HERC2: variants seen among roughly 807,000 people sequenced by gnomAD.
The protein encoded by HERC2 is E3 ubiquitin-protein ligase HERC2.
A neutral mutation model predicts 537.7 loss-of-function variants in HERC2; 102 were observed. That is an observed-to-expected ratio of 0.19 (90% CI 0.16 to 0.22). The LOEUF (loss-of-function observed/expected upper bound fraction) is 0.22. HERC2 is among the 10% of genes least tolerant of loss of function. HERC2 has a pLI of 1.00. For missense variants in HERC2, 4,236 were observed against 6,198.2 expected (o/e 0.68, Z 10.63); for synonymous variants, 2,224 against 2,466.2 (o/e 0.90, Z 2.91).
intron 2 of HERC2, among the ~76,000 whole-genome samples, chr15:28,310,210 C>A (rs1024913866): frequency 2.0e-5 from 3 of 152,248 alleles, no homozygotes; most frequent in Admixed American, 2.0e-4. Context: ...ACTTGGGAGG[C>A]CAAGGCAGGT....
At position 28,198,701 on chromosome 15, in the gene HERC2, G is replaced by C. The variant is rs1436542935; in HGVS notation, c.7785C>G (p.Ile2595Met). ...CATGCAATCCATCTCTGTCCAGCTT[G>C]ATGACTTTGCCAACATCACCTTCGC... is the stretch of plus-strand genomic sequence containing the variant. ...EVCEGDVGKVIKLDRDGLHDL... is the reference protein window; with the variant it reads ...EVCEGDVGKVMKLDRDGLHDL... Residue 2595 changes from isoleucine (I) to methionine (M), a missense_variant, in exon 49 of 93, where the codon ATC becomes ATG. Physicochemically the swap from Ile to Met is conservative, Grantham distance 10. Transcript: ENST00000261609. 5.0e-6 allele frequency: 8 copies of C among 1,614,014 alleles called. No individual in the cohort carries two copies. In the African/African-American group the frequency reaches 1.1e-4, roughly 22 times the overall value.
Position 28,210,987 on chromosome 15 carries a change from T to C in HERC2, c.7069+15A>G. ...GCCCTTCTTATAAAGATTTAAGAACTTTTTAAAAAGACACCTGTGTGAACA... is the reference window on the plus strand; with the variant it reads ...GCCCTTCTTATAAAGATTTAAGAACCTTTTAAAAAGACACCTGTGTGAACA... On this transcript the variant is annotated intron_variant, in intron 44 of 92. Coordinates refer to ENST00000261609, the MANE Select transcript of HERC2 (RefSeq NM_004667.6). 1 of 1,242,432 alleles carries C rather than the reference T, an allele frequency of 8.0e-7. No individual in the cohort carries two copies. The highest frequency in any genetic ancestry group is 1.2e-5 in the South Asian group (1 of 83,346). 77.0% of individuals were successfully genotyped at this position (1,242,432 alleles called of 1,614,324 possible). A position where few individuals can be genotyped will look rare whatever the true frequency, so the allele number is the denominator to read the frequency against.
intron 50 of HERC2, among the ~76,000 whole-genome samples, chr15:28,197,417 T>C (rs1197043593): frequency 6.6e-6 from 1 of 152,184 alleles, no homozygotes; most frequent in African/African-American, 2.4e-5. Flanking sequence ...TTCCCATCAT[T>C]AGCACATTTC....
intron 17 of HERC2, among the ~76,000 whole-genome samples, 185 bp downstream of exon 17, chr15:28,256,876 T>C (rs1002225735): frequency 2.6e-5 from 4 of 152,184 alleles, no homozygotes; most frequent in Non-Finnish European, 4.4e-5. Flanking sequence ...ATTACAGGCG[T>C]GAGCCACCGC....
Position 28,164,078 on chromosome 15 carries a change from G to A in HERC2, c.10555-793C>T, listed in dbSNP as rs147008949. The stretch of plus-strand genomic sequence containing the variant: ...CTTGTCAGTGCCAGGGACTCCCACC[G>A]CTTCCGACCCAGCATGGGAACCGCT... On this transcript the variant is annotated intron_variant, in intron 68 of 92. Coordinates refer to ENST00000261609, the MANE Select transcript of HERC2 (RefSeq NM_004667.6). 5.5e-3 allele frequency among the ~76,000 whole-genome samples: 834 copies of A among 152,310 alleles called. 9 individuals carry two copies. The highest frequency in any genetic ancestry group is 0.019 in the African/African-American group (809 of 41,570).
Position 28,265,147 on chromosome 15 carries a change from T to C in HERC2, c.1870+471A>G, listed in dbSNP as rs1410017881. Among the ~76,000 whole-genome samples the C allele has an allele frequency of 1.3e-5, 2 of 151,964 alleles. No homozygotes were observed. The highest frequency in any genetic ancestry group is 2.1e-4 in the South Asian group (1 of 4,800). ...ACGAGTCATTTCTAAAATATTAACA[T>C]GACTTTAACCATCAAACCTCATCAG... On this transcript the variant is annotated intron_variant, in intron 14 of 92. Transcript: ENST00000261609. This position sits in a 1 kb window ranked among gnomAD's most constrained non-coding sequence, Gnocchi z 4.0.
chr15:28,250,866 A>C (rs577009333), intron 20 of HERC2, among the ~76,000 whole-genome samples: 2 of 152,318 alleles, frequency 1.3e-5, no homozygotes, highest in African/African-American at 4.8e-5. Flanking sequence ...GGCTACTGGA[A>C]AGCTGCGAAT....
In HERC2 at chr15:28,178,941, GT is replaced by G; in HGVS notation, c.9108del (p.Arg3037GlyfsTer26). The G allele has an allele frequency of 6.2e-7, 1 of 1,614,132 alleles. No homozygotes were observed. Among genetic ancestry groups the G allele is most frequent in the Non-Finnish European group, 8.5e-7 (1 of 1,180,022 alleles). ...LGISSGTVPI[P>X]RQITALSSYV... ...TAGCTGCTGAGAGCTGTGATCTGCC[GT>G]GGGATGGGCACCGTCCCGCTGGAAA... On this transcript the variant is annotated frameshift_variant, in exon 59 of 93. Transcript: ENST00000261609. LOFTEE classifies it high-confidence loss of function.
intron 56 of HERC2, 60 bp from the exon 57 acceptor site, chr15:28,182,572 A>T (rs926590500): frequency 1.6e-6 from 2 of 1,287,440 alleles, no homozygotes; most frequent in African/African-American, 1.5e-5. Flanking sequence ...TAAAACATTT[A>T]AAAAATAAAA....
At chr15:28,181,608 G>C (rs112479399) in intron 57 of HERC2, among the ~76,000 whole-genome samples, 6 of 152,302 alleles carry the variant, frequency 3.9e-5, no homozygotes, top group African/African-American at 1.4e-4. Flanking sequence ...GAGTGCCTCT[G>C]GGCAATAAAA....
At chr15:28,168,332 A>T in intron 67 of HERC2, 75 bp downstream of exon 67, 2 of 1,421,684 alleles carry the variant, frequency 1.4e-6, no homozygotes, top group South Asian at 2.6e-5. Flanking sequence ...ACTAAATGAC[A>T]CAATGAGACT....
chr15:28,202,333 G>A lies in HERC2; in HGVS notation c.7480+14C>T. On this transcript the variant is annotated intron_variant, in intron 46 of 92. Coordinates refer to ENST00000261609, the MANE Select transcript of HERC2 (RefSeq NM_004667.6). ...CCCACACATACACAAGCAGAGGCCA[G>A]GAAAACGAAGTACCAGGCAAGCTGG... 1.2e-6 allele frequency: 2 copies of A among 1,613,618 alleles called. No individual in the cohort carries two copies. Among genetic ancestry groups the A allele is most frequent in the Middle Eastern group, 1.7e-4 (1 of 6,052 alleles).
In HERC2 at chr15:28,113,289, G is replaced by A; in HGVS notation, c.14020-6C>T. 6.2e-7 allele frequency: 1 copy of A among 1,613,862 alleles called. No homozygotes were observed. Among genetic ancestry groups the A allele is most frequent in the Non-Finnish European group, 8.5e-7 (1 of 1,179,870 alleles). ...ATGTCAGGGCTGCCACACACCTGCG[G>A]GAGGATGTCTGTCAGGGCCGCGTGA... On this transcript the variant is annotated splice_polypyrimidine_tract_variant and splice_region_variant and intron_variant, in intron 91 of 92. Coordinates refer to ENST00000261609, the MANE Select transcript of HERC2 (RefSeq NM_004667.6). This position sits in a 1 kb window ranked among gnomAD's most constrained non-coding sequence, Gnocchi z 7.0.
In HERC2 at chr15:28,113,707, T is replaced by C. The variant is rs770681282; in HGVS notation, c.13914-29A>G. 19 of 1,565,032 alleles carry C rather than the reference T, an allele frequency of 1.2e-5. No homozygotes were observed. The Middle Eastern group carries it at 1.7e-3, about 138-fold the overall frequency. On this transcript the variant is annotated intron_variant, in intron 90 of 92. Transcript: ENST00000261609. The surrounding 1 kb of genome is among the most constrained non-coding windows in gnomAD (Gnocchi z 7.0). ...GAAGAAAAAGCTCACTTTACACTTC[T>C]GTCTTCAGTGACACTGACTTTATGC...
intron 39 of HERC2, among the ~76,000 whole-genome samples, chr15:28,215,168 C>T (rs540379036): frequency 1.3e-5 from 2 of 152,252 alleles, no homozygotes; most frequent in Middle Eastern, 3.4e-3. Flanking sequence ...TGAGCCACTG[C>T]GCCCGGCCTC....
chr15:28,153,348 C>T (rs1892652106), intron 69 of HERC2, among the ~76,000 whole-genome samples: 1 of 151,482 alleles, frequency 6.6e-6, no homozygotes, highest in Non-Finnish European at 1.5e-5. Context: ...AGCGAGACTG[C>T]GTCTCAAACA....
At position 28,250,716 on chromosome 15, in the gene HERC2, A is replaced by T. The variant is rs534591605; in HGVS notation, c.3051-1980T>A. 2.6e-5 allele frequency among the ~76,000 whole-genome samples: 4 copies of T among 152,300 alleles called. No individual in the cohort carries two copies. The South Asian group carries it at 8.3e-4, about 32-fold the overall frequency. ...CAAAAGTCTCTTACGATCTTTAGAT[A>T]AACTACTGTTCAACAACTGCATCTG... On this transcript the variant is annotated intron_variant, in intron 20 of 92. Coordinates refer to ENST00000261609, the MANE Select transcript of HERC2 (RefSeq NM_004667.6).
rs1337784563 is a variant in HERC2, at chr15:28,245,564, TATACACACACACACACAC to T, written c.3577+299_3577+316del. On this transcript the variant is annotated intron_variant, in intron 23 of 92. Transcript: ENST00000261609. Reference sequence around the variant, plus strand: ...GTAGTGTCAAAAAAAAAAAAAAATATATACACACACACACACACACACACACACACACACACACACAGA... The same window carrying T: ...GTAGTGTCAAAAAAAAAAAAAAATATACACACACACACACACACACACAGA... 5.8e-4 allele frequency among the ~76,000 whole-genome samples: 63 copies of T among 108,952 alleles called. 1 individual carries two copies. The highest frequency in any genetic ancestry group is 6.1e-4 in the South Asian group (2 of 3,282). The allele number at this position is 108,952 out of a possible 152,430, so 71.5% of individuals were successfully genotyped here.
In HERC2 at chr15:28,115,513, G is replaced by C. The variant is rs139713317; in HGVS notation, c.13638C>G (p.Thr4546=). Residue 4546 remains threonine, a synonymous_variant, in exon 89 of 93, where the codon ACC becomes ACG. Transcript: ENST00000261609. Reference sequence around the variant, plus strand: ...CAAGGTTGAGGCTCAGGGGACTCCCGGTTCGGATGGCAATGCCCAGCAACA... The same window carrying C: ...CAAGGTTGAGGCTCAGGGGACTCCCCGTTCGGATGGCAATGCCCAGCAACA... The part of the protein sequence containing the change: ...LGVLLGIAIR[T]GSPLSLNLAE... 2 of 1,613,886 alleles carry C rather than the reference G, an allele frequency of 1.2e-6. No homozygotes were observed. Among genetic ancestry groups the C allele is most frequent in the East Asian group, 4.5e-5 (2 of 44,856 alleles).
Sources: gnomAD v4.1 joint callset for allele counts (sites outside exome capture counted in the v4.1 genomes callset) on GRCh38, gnomAD v4.1.1 for gene constraint, Gnocchi (gnomAD v3.1) non-coding constraint, MANE v1.5 for transcripts, NCBI Gene and HGNC (gene_info 2026-07-23, HGNC 2026-07-21) for gene names.